The following LRP1B variants were observed in gnomAD, a reference collection of about 807,000 sequenced individuals.
The protein encoded by LRP1B is LDL receptor related protein 1B, also known as low-density lipoprotein receptor-related protein 1B.
LRP1B carries 217 observed loss-of-function variants against 556.6 expected under a neutral mutation model. That is an observed-to-expected ratio of 0.39 (90% confidence interval 0.35 to 0.44). LRP1B has a LOEUF of 0.44. LRP1B is among the 20% of genes least tolerant of loss of function. The pLI, the probability that LRP1B is intolerant of heterozygous loss-of-function variation, is 1.00. For synonymous variants in LRP1B, 2,047 were observed against 1,865.8 expected, an observed-to-expected ratio of 1.10 and a Z score of -2.50; for missense variants, 5,053 against 5,620.8, an observed-to-expected ratio of 0.90 and a Z score of 3.23.
At chr2:141,203,243 G>C (rs1682118864) in intron 6 of LRP1B, among the ~76,000 whole-genome samples, 1 of 151,942 alleles carries the variant, frequency 6.6e-6, no homozygotes, top group Non-Finnish European at 1.5e-5. Flanking sequence ...ACACAGAGTG[G>C]CAAATTGGAA....
At chr2:141,037,987 G>A (rs1332321773) in intron 11 of LRP1B, among the ~76,000 whole-genome samples, 1 of 151,880 alleles carries the variant, frequency 6.6e-6, no homozygotes, top group Non-Finnish European at 1.5e-5. Context: ...AAAGTATAAT[G>A]GGACTAGTTC....
chr2:140,892,975 A>C (rs1245890079), intron 23 of LRP1B, among the ~76,000 whole-genome samples: 1 of 152,178 alleles, frequency 6.6e-6, no homozygotes, highest in African/African-American at 2.4e-5. Context: ...TATGAACTAC[A>C]TTGAAATGAC....
At chr2:141,106,713 A>C (rs147877173) in intron 7 of LRP1B, among the ~76,000 whole-genome samples, 2,699 of 152,160 alleles carry the variant, frequency 0.018, 37 homozygotes, top group Middle Eastern at 0.031. Context: ...GGAAAAATCC[A>C]CCACAGGGCA....
chr2:141,047,708 G>C (rs868835715), intron 11 of LRP1B, among the ~76,000 whole-genome samples: 2 of 151,660 alleles, frequency 1.3e-5, no homozygotes, highest in African/African-American at 4.9e-5. Context: ...TTTCACTTTC[G>C]ACTCTCTTGT....
rs1313057857 is a variant in LRP1B at position 142,075,139 on chromosome 2, A to G, written c.82+55509T>C. On this transcript the variant is annotated intron_variant, in intron 1 of 90. Coordinates refer to ENST00000389484, the MANE Select transcript of LRP1B (RefSeq NM_018557.3). ...ATGTGGATCTGCTGCATTATTTGAA[A>G]ATAGTCAGTTCTGCTATAGATAAAA... Among the ~76,000 whole-genome samples, 4 of 152,248 alleles carry G rather than the reference A, an allele frequency of 2.6e-5. No individual in the cohort carries two copies. The East Asian group carries it at 7.7e-4, about 29-fold the overall frequency.
chr2:141,909,525 CATTTTTTTTTTTT>C (rs1224974399), intron 1 of LRP1B, among the ~76,000 whole-genome samples: 6 of 118,130 alleles, frequency 5.1e-5, no homozygotes, highest in African/African-American at 2.1e-4. Context: ...AGGTCTCAGA[CATTTTTTTTTTTT>C]TTTTTTTTTT....
intron 7 of LRP1B, among the ~76,000 whole-genome samples, chr2:141,176,743 A>C (rs1248329760): frequency 1.3e-5 from 2 of 152,134 alleles, no homozygotes; most frequent in Admixed American, 6.5e-5. Flanking sequence ...AATCTAATAA[A>C]AATGACTCAC....
intron 7 of LRP1B, among the ~76,000 whole-genome samples, chr2:141,080,313 T>C (rs1558846447): frequency 6.6e-6 from 1 of 152,210 alleles, no homozygotes; most frequent in Admixed American, 6.5e-5. Flanking sequence ...CTGGTATTCC[T>C]AACTTTATGT....
chr2:141,580,685 A>C (rs962441362), intron 2 of LRP1B, among the ~76,000 whole-genome samples: 4 of 152,246 alleles, frequency 2.6e-5, no homozygotes, highest in African/African-American at 9.6e-5. Flanking sequence ...TTCTTCTGTT[A>C]CAGGTTTCCC....
chr2:141,847,422 T>A (rs1032130078), intron 1 of LRP1B, among the ~76,000 whole-genome samples: 7 of 151,572 alleles, frequency 4.6e-5, no homozygotes, highest in African/African-American at 1.7e-4. Context: ...CTTGCAGAGT[T>A]TTTTGTATCT....
chr2:140,607,775 T>G (rs2105216586), intron 41 of LRP1B, among the ~76,000 whole-genome samples: 1 of 152,138 alleles, frequency 6.6e-6, no homozygotes, highest in African/African-American at 2.4e-5. Context: ...CAGTAGAAAT[T>G]TTATAGAAAA....
chr2:140,950,549 T>C, intron 19 of LRP1B, 147 bp from the exon 20 acceptor site: 1 of 537,046 alleles, frequency 1.9e-6, no homozygotes, highest in Non-Finnish European at 3.2e-6. Context: ...AGTGGCACTA[T>C]CTCGGCTCAC....
At chr2:140,973,288 T>C (rs568927024) in intron 18 of LRP1B, among the ~76,000 whole-genome samples, 1 of 152,048 alleles carries the variant, frequency 6.6e-6, no homozygotes, top group Non-Finnish European at 1.5e-5. Context: ...CCTTTGTTAC[T>C]ATGATTTGGT....
At chr2:140,925,473 C>T (rs1444094978) in intron 20 of LRP1B, among the ~76,000 whole-genome samples, 2 of 152,118 alleles carry the variant, frequency 1.3e-5, no homozygotes, top group African/African-American at 4.8e-5. Flanking sequence ...TTCTACTTAA[C>T]TTTCGTTGAA....
chr2:141,031,170 A>G (rs1286132542), intron 11 of LRP1B, among the ~76,000 whole-genome samples: 1 of 151,742 alleles, frequency 6.6e-6, no homozygotes, highest in African/African-American at 2.4e-5. Context: ...TACAATTTTA[A>G]GTGCTGAGAC....
chr2:140,249,276 C>G (rs1681304261), intron 86 of LRP1B, among the ~76,000 whole-genome samples: 1 of 151,554 alleles, frequency 6.6e-6, no homozygotes, highest in Admixed American at 6.6e-5. Context: ...ATTTTGAGAT[C>G]TCCAGATTAG....
At chr2:141,300,018 T>G (rs976454653) in intron 3 of LRP1B, among the ~76,000 whole-genome samples, 12 of 152,194 alleles carry the variant, frequency 7.9e-5, no homozygotes, top group African/African-American at 2.9e-4. Flanking sequence ...TAAATGGGAT[T>G]AATTCCCTTG....
At chr2:141,700,219 A>G (rs1310768709) in intron 2 of LRP1B, among the ~76,000 whole-genome samples, 1 of 151,774 alleles carries the variant, frequency 6.6e-6, no homozygotes, top group Non-Finnish European at 1.5e-5. Flanking sequence ...TACCTTCGAC[A>G]TTATTGTAAC....
At position 141,906,849 on chromosome 2, in the gene LRP1B, A is replaced by T. The variant is rs10189553; in HGVS notation, c.83-96448T>A. Among the ~76,000 whole-genome samples, 357 of 152,148 alleles carry T rather than the reference A, an allele frequency of 2.3e-3. 2 individuals carry two copies. The highest frequency in any genetic ancestry group is 8.4e-3 in the African/African-American group (347 of 41,538). ...TGTAAAACTAGATACAGCATGTTAA[A>T]TGTTTATCGTTAGAACATGCCCAGT... On this transcript the variant is annotated intron_variant, in intron 1 of 90. Transcript: ENST00000389484.
Sources: allele counts gnomAD v4.1 joint callset (sites outside exome capture counted in the v4.1 genomes callset), GRCh38; gene constraint gnomAD v4.1.1; transcripts MANE v1.5; gene names NCBI Gene and HGNC (gene_info 2026-07-23, HGNC 2026-07-21).